HAT1: variants seen among roughly 807,000 people sequenced by gnomAD.
The protein encoded by HAT1 is histone acetyltransferase 1.
A neutral mutation model predicts 56.6 loss-of-function variants in HAT1; 20 were observed. The observed-to-expected ratio is 0.35, with a 90% confidence interval of 0.25 to 0.51. HAT1 has a LOEUF of 0.51. HAT1 is among the 20% of genes least tolerant of loss of function. The probability of loss-of-function intolerance (pLI) is 0.95; values close to 1 mark genes in which losing one functional copy is unlikely to be tolerated. For missense variants in HAT1, 408 were observed against 504.3 expected (o/e 0.81, Z 1.83); for synonymous variants, 146 against 165.5 (o/e 0.88, Z 0.91).
chr2:171,970,501 T>C (rs1300142475), intron 8 of HAT1, among the ~76,000 whole-genome samples: 3 of 6,374 alleles, frequency 4.7e-4, no homozygotes, highest in Non-Finnish European at 1.9e-3. Flanking sequence ...AGTTTCTTTT[T>C]TTTTTTTTTT....
In HAT1 at chr2:171,922,467, T is replaced by C. The variant is rs1345475920; in HGVS notation, c.-34T>C. 13 of 1,318,172 alleles carry C rather than the reference T, an allele frequency of 9.9e-6. No individual in the cohort carries two copies. Among genetic ancestry groups the C allele is most frequent in the Non-Finnish European group, 1.2e-5 (12 of 1,024,256 alleles). 81.7% of individuals were successfully genotyped at this position (1,318,172 alleles called of 1,614,324 possible). Reference sequence around the variant, plus strand: ...GCCCGGGAGCGCGCGGGTTGATTCGTCCTTCCTCAGCCGCGGGTGATCGTA... The same window carrying C: ...GCCCGGGAGCGCGCGGGTTGATTCGCCCTTCCTCAGCCGCGGGTGATCGTA... On this transcript the variant is annotated 5_prime_UTR_variant, in exon 1 of 11. Transcript: ENST00000264108.
intron 2 of HAT1, among the ~76,000 whole-genome samples, chr2:171,932,042 C>T (rs775455102): frequency 1.3e-5 from 2 of 152,122 alleles, no homozygotes; most frequent in Non-Finnish European, 2.9e-5. Flanking sequence ...AAAGTGTTAC[C>T]TTCTAATGCT....
chr2:171,927,408 T>C (rs1417554028), intron 2 of HAT1, among the ~76,000 whole-genome samples: 6 of 152,166 alleles, frequency 3.9e-5, no homozygotes, highest in Non-Finnish European at 8.8e-5. Context: ...AAGGGCTGAG[T>C]GGAGTGACTG....
chr2:171,977,907 C>A (rs1481454072), intron 9 of HAT1, among the ~76,000 whole-genome samples: 3 of 151,986 alleles, frequency 2.0e-5, no homozygotes, highest in African/African-American at 7.2e-5. Context: ...CCTTCCCAAC[C>A]TATCCATACC....
intron 9 of HAT1, among the ~76,000 whole-genome samples, chr2:171,976,595 G>T (rs1425707040): frequency 6.6e-6 from 1 of 152,130 alleles, no homozygotes; most frequent in Admixed American, 6.5e-5. Context: ...AGGAAAGATG[G>T]ATAATAGGAT....
chr2:171,947,509 G>A (rs1173144456), intron 3 of HAT1, among the ~76,000 whole-genome samples: 4 of 151,946 alleles, frequency 2.6e-5, no homozygotes, highest in African/African-American at 9.7e-5. Context: ...TCCCACCTGC[G>A]CCTCCCAAAG....
At chr2:171,933,373 T>A (rs927106605) in intron 2 of HAT1, among the ~76,000 whole-genome samples, 2 of 152,184 alleles carry the variant, frequency 1.3e-5, no homozygotes, top group South Asian at 2.1e-4. Context: ...TTGCTTTTTT[T>A]AAGATCTTTC....
At chr2:171,980,941 G>A (rs2083854) in intron 10 of HAT1, 35,348 of 151,226 alleles carry the variant, frequency 0.23, 4,801 homozygotes, top group Middle Eastern at 0.36. Context: ...AGGCTGAGGC[G>A]GGCAGATCAT....
intron 9 of HAT1, among the ~76,000 whole-genome samples, chr2:171,977,551 ATATATATTTTTT>A (rs1485855768): frequency 0.036 from 473 of 13,292 alleles, 5 homozygotes; most frequent in Non-Finnish European, 0.051. Flanking sequence ...ATATATATAT[ATATATATTTTTT>A]TTTTTTTTTT....
chr2:171,948,472 C>T (rs927988132), intron 3 of HAT1, among the ~76,000 whole-genome samples: 1 of 152,156 alleles, frequency 6.6e-6, no homozygotes, highest in Non-Finnish European at 1.5e-5. Context: ...TGATCACCCA[C>T]CTTGGCCTCC....
chr2:171,931,533 G>T (rs1686746322), intron 2 of HAT1, among the ~76,000 whole-genome samples: 1 of 152,086 alleles, frequency 6.6e-6, no homozygotes, highest in Non-Finnish European at 1.5e-5. Context: ...AATTAGCTGG[G>T]CGTGATGGCA....
chr2:171,981,400 G>A (rs1287660476), intron 10 of HAT1, among the ~76,000 whole-genome samples: 1 of 152,054 alleles, frequency 6.6e-6, no homozygotes, highest in Admixed American at 6.5e-5. Context: ...ACTGTATCAG[G>A]TACACATAGT....
chr2:171,977,524 AATATATATATATATATAT>A (rs1174016253), intron 9 of HAT1, among the ~76,000 whole-genome samples: 2 of 36,354 alleles, frequency 5.5e-5, no homozygotes, highest in African/African-American at 7.5e-5. Flanking sequence ...CAGGCATATG[AATATATATATATATATAT>A]ATATATATAT....
At position 171,966,637 on chromosome 2, in the gene HAT1, T is replaced by G. The variant is rs1687689910; in HGVS notation, c.716+124T>G. On this transcript the variant is annotated intron_variant, in intron 7 of 10. Transcript: ENST00000264108. ...AAAAATCACTATTATTCATGGGCTA[T>G]GTACTGATTTATTTCATTGTTCCCT... 3 of 651,428 alleles carry G rather than the reference T, an allele frequency of 4.6e-6. No homozygotes were observed. In the South Asian group the frequency reaches 5.5e-5, roughly 12 times the overall value. The allele number at this position is 651,428 out of a possible 1,614,324, so 40.4% of individuals were successfully genotyped here. A position where few individuals can be genotyped will look rare whatever the true frequency, so the allele number is the denominator to read the frequency against.
chr2:171,973,530 G>A (rs577982480), intron 8 of HAT1, among the ~76,000 whole-genome samples: 75 of 151,894 alleles, frequency 4.9e-4, no homozygotes, highest in African/African-American at 1.7e-3. Context: ...TCAAAATCCC[G>A]GGCTACGGAC....
rs764687048 is a variant in HAT1 at position 171,976,247 on chromosome 2, T to C, written c.914T>C (p.Leu305Ser). 6 of 1,596,056 alleles carry C rather than the reference T, an allele frequency of 3.8e-6. No homozygotes were observed. In the East Asian group the frequency reaches 1.4e-4, roughly 36 times the overall value. Residue 305 changes from leucine (L) to serine (S), a missense_variant, in exon 9 of 11, where the codon TTA becomes TCA. Transcript: ENST00000264108. ...TTGCCCTGTTTTTCCCGGGAAAAAT[T>C]AATGCAAGGATTCAATGAAGATATG... ...QDLPCFSREK[L>S]MQGFNEDMVI...
intron 2 of HAT1, among the ~76,000 whole-genome samples, chr2:171,945,211 T>G (rs1000226424): frequency 1.1e-4 from 17 of 152,146 alleles, no homozygotes; most frequent in African/African-American, 3.9e-4. Flanking sequence ...TTAAGAATTT[T>G]TTAATGAATA....
At chr2:171,960,956 A>G (rs550281053) in intron 4 of HAT1, among the ~76,000 whole-genome samples, 4 of 152,306 alleles carry the variant, frequency 2.6e-5, no homozygotes, top group East Asian at 3.9e-4. Context: ...AGCCTGGCCA[A>G]CATGGTGAAA....
intron 1 of HAT1, chr2:171,924,642 T>G (rs1686534186): frequency 6.6e-6 from 1 of 152,272 alleles, no homozygotes; most frequent in Admixed American, 6.5e-5. Context: ...TCACAGTTTA[T>G]GACTTTAGGC....
Sources: allele counts gnomAD v4.1 joint callset (sites outside exome capture counted in the v4.1 genomes callset), GRCh38; gene constraint gnomAD v4.1.1; transcripts MANE v1.5; gene names NCBI Gene and HGNC (gene_info 2026-07-23, HGNC 2026-07-21).